CSMD1: variants seen among roughly 807,000 people sequenced by gnomAD.
CSMD1 encodes CUB and sushi domain-containing protein 1.
In CSMD1, 213 loss-of-function variants were observed where a neutral mutation model predicts 417.5. The observed-to-expected ratio is 0.51, with a 90% CI of 0.46 to 0.57. The LOEUF is 0.57. Ranked by LOEUF, CSMD1 falls within the 20% of genes least tolerant of loss-of-function variation. The probability of loss-of-function intolerance (pLI) is 0.00; values close to 1 mark genes in which losing one functional copy is unlikely to be tolerated. For synonymous variants in CSMD1, 2,862 were observed against 1,736.8 expected, an observed-to-expected ratio of 1.65 and a Z score of -16.11; for missense variants, 6,923 against 4,529.7, an observed-to-expected ratio of 1.53 and a Z score of -15.17.
chr8:3,600,201 G>A (rs532984139), intron 8 of CSMD1, among the ~76,000 whole-genome samples: 44 of 152,212 alleles, frequency 2.9e-4, no homozygotes, highest in African/African-American at 9.4e-4. Flanking sequence ...AATCTTTCCA[G>A]GTATCTGTCT....
intron 3 of CSMD1, among the ~76,000 whole-genome samples, chr8:4,205,863 GA>G (rs1799948249): frequency 6.6e-6 from 1 of 152,218 alleles, no homozygotes; most frequent in South Asian, 2.1e-4. Flanking sequence ...TCAAAAAACA[GA>G]AAATGAACTT....
At chr8:4,415,336 G>A (rs73658852) in intron 3 of CSMD1, among the ~76,000 whole-genome samples, 16 of 152,056 alleles carry the variant, frequency 1.1e-4, no homozygotes, top group African/African-American at 2.9e-4. Context: ...GCTTCTGCAG[G>A]GATTCCTCCT....
intron 3 of CSMD1, among the ~76,000 whole-genome samples, chr8:4,185,681 A>G (rs1427225121): frequency 6.6e-6 from 1 of 152,200 alleles, no homozygotes; most frequent in Non-Finnish European, 1.5e-5. Context: ...ATGCCCAATG[A>G]ATGTCTAGTT....
At chr8:3,663,857 C>T (rs953984972) in intron 7 of CSMD1, among the ~76,000 whole-genome samples, 4 of 152,150 alleles carry the variant, frequency 2.6e-5, no homozygotes, top group African/African-American at 9.7e-5. Flanking sequence ...TCAGGATCTT[C>T]TGAGGTTGTG....
intron 8 of CSMD1, among the ~76,000 whole-genome samples, chr8:3,606,959 C>G (rs890740540): frequency 1.3e-5 from 2 of 152,242 alleles, no homozygotes; most frequent in South Asian, 2.1e-4. Context: ...ATCTGCCCAC[C>G]TCAGCCTCCC....
intron 2 of CSMD1, among the ~76,000 whole-genome samples, chr8:4,504,013 G>A (rs978485393): frequency 6.6e-6 from 1 of 150,454 alleles, no homozygotes; most frequent in Non-Finnish European, 1.5e-5. Flanking sequence ...GGATGTCAAA[G>A]AGGTTATCTG....
intron 8 of CSMD1, among the ~76,000 whole-genome samples, chr8:3,612,115 T>C (rs759329358): frequency 6.6e-6 from 1 of 152,130 alleles, no homozygotes; most frequent in Non-Finnish European, 1.5e-5. Context: ...ACAATCCATA[T>C]ATTATAGACT....
Position 3,666,028 on chromosome 8 carries a change from T to C in CSMD1, c.1009+42386A>G, listed in dbSNP as rs1798676101. ...CCTGCCTCAGCCTCCACGGAGTAGG[T>C]GGGATTACAGGTGCCCAACACCACA... On this transcript the variant is annotated intron_variant, in intron 7 of 69. Coordinates refer to ENST00000635120, the MANE Select transcript of CSMD1 (RefSeq NM_033225.6). Among the ~76,000 whole-genome samples the C allele has an allele frequency of 2.0e-5, 3 of 152,106 alleles. No homozygotes were observed. In the South Asian group the frequency reaches 6.2e-4, roughly 32 times the overall value.
chr8:4,119,077 A>C (rs1056442933), intron 3 of CSMD1, among the ~76,000 whole-genome samples: 1 of 152,014 alleles, frequency 6.6e-6, no homozygotes, highest in African/African-American at 2.4e-5. Context: ...AACATCACAC[A>C]CAGGGACCTG....
At chr8:4,507,453 T>C (rs1297751576) in intron 2 of CSMD1, among the ~76,000 whole-genome samples, 2 of 152,172 alleles carry the variant, frequency 1.3e-5, no homozygotes, top group Non-Finnish European at 2.9e-5. Context: ...AGGCTGTCCT[T>C]ATCTCTGGCT....
intron 3 of CSMD1, among the ~76,000 whole-genome samples, chr8:4,042,996 G>C (rs979969790): frequency 1.3e-5 from 2 of 151,796 alleles, no homozygotes; most frequent in Non-Finnish European, 1.5e-5. Context: ...GCTGGGTGTG[G>C]TGACTTGCAC....
At chr8:4,004,777 C>A (rs999534983) in intron 4 of CSMD1, among the ~76,000 whole-genome samples, 3 of 152,102 alleles carry the variant, frequency 2.0e-5, no homozygotes, top group Admixed American at 1.3e-4. Flanking sequence ...TGGCGTCTCA[C>A]TCTGTTGCCC....
chr8:3,309,711 A>AGC (rs1805179890), intron 23 of CSMD1, among the ~76,000 whole-genome samples: 1 of 152,168 alleles, frequency 6.6e-6, no homozygotes. Context: ...CTCAAAAAGA[A>AGC]ATTAAATTTT....
chr8:3,313,243 G>A (rs1805491910), intron 23 of CSMD1, among the ~76,000 whole-genome samples: 1 of 152,092 alleles, frequency 6.6e-6, no homozygotes, highest in Non-Finnish European at 1.5e-5. Flanking sequence ...CAAAAGCAAT[G>A]GCAACAAAAC....
chr8:4,072,145 GTTTCT>G (rs1464827276), intron 3 of CSMD1, among the ~76,000 whole-genome samples: 3 of 152,180 alleles, frequency 2.0e-5, no homozygotes, highest in Non-Finnish European at 2.9e-5. Context: ...GAATCTGCCT[GTTTCT>G]TTTCAACTTT....
intron 46 of CSMD1, among the ~76,000 whole-genome samples, chr8:3,103,648 C>T (rs1035553037): frequency 1.3e-5 from 2 of 151,852 alleles, no homozygotes; most frequent in African/African-American, 2.4e-5. Flanking sequence ...TCATGCAGTG[C>T]GTGATTATTC....
At chr8:4,771,325 A>C (rs1257276384) in intron 1 of CSMD1, among the ~76,000 whole-genome samples, 1 of 152,222 alleles carries the variant, frequency 6.6e-6, no homozygotes, top group Non-Finnish European at 1.5e-5. Context: ...CTCCCAGCTG[A>C]CAATAAATAA....
rs766996528 is a variant in CSMD1, at chr8:3,118,402, C to T, written c.6427G>A (p.Asp2143Asn). Residue 2143 changes from aspartate to asparagine, a missense_variant, in exon 42 of 70, where the codon GAT becomes AAT. Physicochemically the swap from Asp to Asn is conservative, Grantham distance 23. Transcript: ENST00000635120. ...CCATGCAAAGTGATGAACTTACCATCACATCTTGGAAAAGGGTAGTTCCAG... is the reference window on the plus strand; with the variant it reads ...CCATGCAAAGTGATGAACTTACCATTACATCTTGGAAAAGGGTAGTTCCAG... The part of the protein sequence containing the change: ...RNWNYPFPRC[D>N]APCGYNVTSQ... The T allele has an allele frequency of 8.7e-6, 14 of 1,611,078 alleles. 1 individual carries two copies. In the South Asian group the frequency reaches 1.4e-4, roughly 17 times the overall value.
intron 12 of CSMD1, among the ~76,000 whole-genome samples, chr8:3,448,909 T>C (rs376176777): frequency 6.6e-6 from 1 of 152,194 alleles, no homozygotes; most frequent in Non-Finnish European, 1.5e-5. Flanking sequence ...CACCTCCCTA[T>C]GTATGAATGA....
Sources: gnomAD v4.1 joint callset for allele counts (sites outside exome capture counted in the v4.1 genomes callset) on GRCh38, gnomAD v4.1.1 for gene constraint, MANE v1.5 for transcripts, NCBI Gene and HGNC (gene_info 2026-07-23, HGNC 2026-07-21) for gene names.